The following VCF1 variants were observed in gnomAD, a reference collection of about 807,000 sequenced individuals.
VCF1 encodes the protein protein VCF1.
At chr17:73,207,675 T>A in the VCF1 span, 1 of 1,294,572 alleles carries the variant, frequency 7.7e-7, no homozygotes, top group South Asian at 1.2e-5. Context: ...GTTTGACATT[T>A]TCTTGTTAAT....
At chr17:73,211,874 C>CA in the VCF1 span, among the ~76,000 whole-genome samples, 145 of 152,102 alleles carry the variant, frequency 9.5e-4, no homozygotes, top group Middle Eastern at 0.017. Context: ...CAAAACAAAA[C>CA]AAAAAAATTA....
At chr17:73,225,219 C>T in the VCF1 span, among the ~76,000 whole-genome samples, 3 of 152,234 alleles carry the variant, frequency 2.0e-5, no homozygotes, top group Middle Eastern at 3.4e-3. Context: ...GGCTCAACAA[C>T]TGAATTTCTT....
chr17:73,222,054 A>AG, the VCF1 span, among the ~76,000 whole-genome samples: 1 of 150,700 alleles, frequency 6.6e-6, no homozygotes, highest in Non-Finnish European at 1.5e-5. Context: ...AAAAAAAAAA[A>AG]AAACTAGCCA....
chr17:73,231,856 G>A, the VCF1 span, among the ~76,000 whole-genome samples: 2 of 151,956 alleles, frequency 1.3e-5, no homozygotes, highest in African/African-American at 2.4e-5. Flanking sequence ...GGGGAAAAAA[G>A]ATGGAGGGGC....
the VCF1 span, among the ~76,000 whole-genome samples, chr17:73,224,590 T>A: frequency 3.3e-5 from 5 of 152,316 alleles, no homozygotes; most frequent in East Asian, 5.8e-4. Context: ...TAATTAAAAA[T>A]GAATTGTTTT....
chr17:73,212,669 G>A, the VCF1 span: 1 of 1,591,140 alleles, frequency 6.3e-7, no homozygotes, highest in Non-Finnish European at 8.6e-7. Flanking sequence ...CACTCAATTA[G>A]AAACCCACCG....
the VCF1 span, among the ~76,000 whole-genome samples, chr17:73,220,496 G>A: frequency 2.6e-5 from 4 of 151,998 alleles, no homozygotes; most frequent in Admixed American, 6.6e-5. Flanking sequence ...CCAGGCTGGA[G>A]TGCGGTGGTG....
At chr17:73,226,558 C>T in the VCF1 span, among the ~76,000 whole-genome samples, 1 of 152,164 alleles carries the variant, frequency 6.6e-6, no homozygotes, top group Non-Finnish European at 1.5e-5. Context: ...GGTTTCCTTT[C>T]CCCAGCACAG....
chr17:73,212,807 A>C, the VCF1 span: 1 of 1,199,560 alleles, frequency 8.3e-7, no homozygotes, highest in Non-Finnish European at 1.2e-6. Context: ...AATTATATCT[A>C]TTTCGTACTA....
At chr17:73,209,780 A>C in the VCF1 span, 4 of 1,539,306 alleles carry the variant, frequency 2.6e-6, no homozygotes, top group Non-Finnish European at 3.5e-6. Flanking sequence ...TGGAAGGAAG[A>C]AGAAAGAAAC....
the VCF1 span, among the ~76,000 whole-genome samples, chr17:73,215,020 A>G: frequency 1.3e-5 from 2 of 152,204 alleles, no homozygotes; most frequent in African/African-American, 4.8e-5. Context: ...CACAATCCAA[A>G]GAGAATAAAG....
the VCF1 span, among the ~76,000 whole-genome samples, chr17:73,222,035 CAAA>C: frequency 2.5e-5 from 2 of 80,912 alleles, no homozygotes; most frequent in South Asian, 4.9e-4. Flanking sequence ...GACTCTGTCT[CAAA>C]AAAAAAAAAA....
the VCF1 span, chr17:73,232,381 G>C: frequency 7.0e-7 from 1 of 1,427,772 alleles, no homozygotes. Context: ...TGGTAACCCC[G>C]CCCACGGGAA....
the VCF1 span, chr17:73,227,624 A>G: frequency 7.1e-6 from 7 of 988,950 alleles, no homozygotes; most frequent in Non-Finnish European, 8.4e-6. Flanking sequence ...TGAAATTAGG[A>G]TTCCGAGTTA....
chr17:73,207,839 A>T, the VCF1 span: 19 of 1,268,450 alleles, frequency 1.5e-5, no homozygotes, highest in Non-Finnish European at 1.8e-5. Flanking sequence ...ACACAATATT[A>T]GCAGTGTATC....
chr17:73,210,497 A>T, the VCF1 span, among the ~76,000 whole-genome samples: 9 of 83,658 alleles, frequency 1.1e-4, no homozygotes, highest in South Asian at 4.4e-4. Context: ...TCATGTTTTA[A>T]AAAAAAAAAA....
chr17:73,214,924 A>T, the VCF1 span, among the ~76,000 whole-genome samples: 5 of 152,224 alleles, frequency 3.3e-5, no homozygotes, highest in African/African-American at 9.6e-5. Context: ...TAACCAAATC[A>T]ACGGTTACAA....
At chr17:73,207,426 C>A in the VCF1 span, 1 of 752,182 alleles carries the variant, frequency 1.3e-6, no homozygotes, top group Non-Finnish European at 2.3e-6. Context: ...CTAGCTTGAG[C>A]TACTAGAAGG....
At chr17:73,216,684 T>C in the VCF1 span, among the ~76,000 whole-genome samples, 1 of 152,306 alleles carries the variant, frequency 6.6e-6, no homozygotes, top group Non-Finnish European at 1.5e-5. Flanking sequence ...AAGGACACAC[T>C]ACTCTCTTTG....
Sources: gnomAD v4.1 joint callset for allele counts (sites outside exome capture counted in the v4.1 genomes callset) on GRCh38, gnomAD v4.1.1 for gene constraint, MANE v1.5 for transcripts, NCBI Gene and HGNC (gene_info 2026-07-23, HGNC 2026-07-21) for gene names.